Variants in KRT73 observed in about 807,000 individuals in gnomAD.
The protein encoded by KRT73 is keratin 73.
KRT73 carries 44 observed loss-of-function variants against 47.2 expected under a neutral mutation model. That is an observed-to-expected ratio of 0.93 (90% confidence interval 0.73 to 1.20). The LOEUF is 1.20. KRT73 is among the 50% of genes most tolerant of loss of function. The probability of loss-of-function intolerance (pLI) is 0.00; values close to 1 mark genes in which losing one functional copy is unlikely to be tolerated. For synonymous variants in KRT73, 285 were observed against 291.3 expected (o/e 0.98, Z 0.22); for missense variants, 713 against 704.5 (o/e 1.01, Z -0.14).
At chr12:52,630,146 G>A in the KRT73 span, among the ~76,000 whole-genome samples, 3 of 152,312 alleles carry the variant, frequency 2.0e-5, no homozygotes, top group South Asian at 2.1e-4. Context: ...TGCTCATCAC[G>A]TGCACCCTGG....
At chr12:52,621,290 AGG>A (rs11302494), upstream of KRT73, among the ~76,000 whole-genome samples, 2,995 of 105,208 alleles carry the variant, frequency 0.028, 48 homozygotes, top group Non-Finnish European at 0.036. Context: ...AGAGAAAGAA[AGG>A]GGGGGGGGGG....
the KRT73 span, among the ~76,000 whole-genome samples, chr12:52,630,220 G>A: frequency 7.3e-6 from 1 of 136,194 alleles, no homozygotes; most frequent in Non-Finnish European, 1.6e-5. Context: ...GAATGAATGA[G>A]TTAATCAATT....
rs1940620778 is a variant in KRT73 at position 52,608,118 on chromosome 12, CAG to C, written c.*76_*77del. The stretch of plus-strand genomic sequence containing the variant: ...AAGAAGGAGATGAGGACAAATGAGA[CAG>C]AGGAATTTCCTAGAAGAGTCCGGAG... On this transcript the variant is annotated 3_prime_UTR_variant, in exon 9 of 9. Coordinates refer to ENST00000305748, the MANE Select transcript of KRT73 (RefSeq NM_175068.3). The C allele has an allele frequency of 2.7e-6, 4 of 1,464,998 alleles. No homozygotes were observed. The highest frequency in any genetic ancestry group is 3.7e-6 in the Non-Finnish European group (4 of 1,082,534). 90.7% of individuals were successfully genotyped at this position (1,464,998 alleles called of 1,614,324 possible).
chr12:52,617,957 A>G, intron 1 of KRT73, 121 bp downstream of exon 1: 1 of 1,155,398 alleles, frequency 8.7e-7, no homozygotes, highest in Non-Finnish European at 1.2e-6. Flanking sequence ...CTGGTGTCTG[A>G]TTTTGCTGGG....
Position 52,610,673 on chromosome 12 carries a change from G to A in KRT73, c.1273C>T (p.Leu425=). 1.2e-6 allele frequency: 2 copies of A among 1,613,860 alleles called. No individual in the cohort carries two copies. The highest frequency in any genetic ancestry group is 8.5e-7 in the Non-Finnish European group (1 of 1,179,994). ...GTGGCGATCTCAATATCCAGGGACAGCTTCACGCTCAAAAGCTCTTGGTAC... is the reference window on the plus strand; with the variant it reads ...GTGGCGATCTCAATATCCAGGGACAACTTCACGCTCAAAAGCTCTTGGTAC... ...REYQELLSVK[L]SLDIEIATYR... Residue 425 remains leucine (L), a synonymous_variant, in exon 7 of 9, where the codon CTG becomes TTG. Coordinates refer to ENST00000305748, the MANE Select transcript of KRT73 (RefSeq NM_175068.3).
chr12:52,615,098 G>C (rs527521913), intron 3 of KRT73, 181 bp downstream of exon 3: 2 of 575,126 alleles, frequency 3.5e-6, no homozygotes, highest in African/African-American at 3.7e-5. Context: ...CACAGACAAA[G>C]TACTGTGTGC....
Position 52,618,221 on chromosome 12 carries a change from C to T in KRT73, c.304G>A (p.Gly102Arg), listed in dbSNP as rs199866943. The T allele has an allele frequency of 2.3e-5, 37 of 1,614,140 alleles. No homozygotes were observed. Among genetic ancestry groups the T allele is most frequent in the East Asian group, 1.1e-4 (5 of 44,878 alleles). ...GSVCPSLCPPGGIHQVTINKS... is the reference protein window; with the variant it reads ...GSVCPSLCPPRGIHQVTINKS... ...TTGATGGTGACCTGATGGATACCCC[C>T]GGGCGGGCACAACGACGGACACACG... Residue 102 changes from glycine to arginine, a missense_variant, in exon 1 of 9, where the codon GGG becomes AGG. Transcript: ENST00000305748.
At chr12:52,615,066 T>C (rs1592244459) in intron 3 of KRT73, 3 of 538,142 alleles carry the variant, frequency 5.6e-6, no homozygotes, top group East Asian at 5.9e-5. Context: ...TGGGACTGAC[T>C]ATCCACATCT....
At chr12:52,609,703 G>GA (rs1172335170) in intron 7 of KRT73, 2 of 176,238 alleles carry the variant, frequency 1.1e-5, no homozygotes, top group East Asian at 3.1e-4. Context: ...TGCTTGGTTA[G>GA]AACAGGGTTT....
chr12:52,617,446 G>A (rs1276874710), intron 1 of KRT73, among the ~76,000 whole-genome samples: 2 of 152,214 alleles, frequency 1.3e-5, no homozygotes, highest in African/African-American at 4.8e-5. Context: ...GCGTCCAGGT[G>A]ACGTTGCTGC....
intron 6 of KRT73, 104 bp from the exon 7 acceptor site, chr12:52,610,939 C>G: frequency 9.2e-7 from 1 of 1,085,886 alleles, no homozygotes. Flanking sequence ...GCCCCATGTC[C>G]TGGAGCAGAG....
At chr12:52,619,794 C>T (rs540268059), upstream of KRT73, among the ~76,000 whole-genome samples, 6 of 152,196 alleles carry the variant, frequency 3.9e-5, no homozygotes, top group South Asian at 1.2e-3. Flanking sequence ...CAAGAGTTTC[C>T]CAAATCCCAA....
Position 52,618,328 on chromosome 12 carries a change from C to G in KRT73, c.197G>C (p.Gly66Ala). Residue 66 changes from glycine (G) to alanine (A), a missense_variant, in exon 1 of 9, where the codon GGG (glycine) becomes GCG (alanine). Gly to Ala is a moderately conservative substitution (Grantham distance 60). Transcript: ENST00000305748. ...GCCAAATCCATAGCCTCCTGCCCAC[C>G]CACTGCCACTGGCCACATTGAAAGA... ...SISFNVASGSGWAGGYGFGRG... is the reference protein window; with the variant it reads ...SISFNVASGSAWAGGYGFGRG... 1 of 1,614,186 alleles carries G rather than the reference C, an allele frequency of 6.2e-7. No homozygotes were observed. Among genetic ancestry groups the G allele is most frequent in the Admixed American group, 1.7e-5 (1 of 60,034 alleles).
the KRT73 span, among the ~76,000 whole-genome samples, chr12:52,625,722 G>A: frequency 3.3e-5 from 5 of 152,154 alleles, no homozygotes; most frequent in Admixed American, 6.5e-5. Flanking sequence ...GCCAAAAAAT[G>A]CAAACAATCC....
At chr12:52,612,797 T>A (rs1222241584) in intron 5 of KRT73, 1 of 152,252 alleles carries the variant, frequency 6.6e-6, no homozygotes, top group Non-Finnish European at 1.5e-5. Flanking sequence ...TAGATTCTGA[T>A]CCAGCTGCGT....
chr12:52,617,180 T>A (rs1940831801), intron 1 of KRT73, among the ~76,000 whole-genome samples: 1 of 152,080 alleles, frequency 6.6e-6, no homozygotes, highest in Admixed American at 6.5e-5. Context: ...TTTCCCCACC[T>A]CCATCTGAAA....
At chr12:52,609,356 C>T in intron 7 of KRT73, 75 bp from the exon 8 acceptor site, 1 of 1,273,358 alleles carries the variant, frequency 7.9e-7, no homozygotes, top group Non-Finnish European at 1.1e-6. Flanking sequence ...TAAACACAGG[C>T]TGGGGATCCC....
chr12:52,616,486 A>G (rs2120877963), intron 1 of KRT73, 106 bp from the exon 2 acceptor site: 1 of 1,412,080 alleles, frequency 7.1e-7, no homozygotes, highest in Non-Finnish European at 9.6e-7. Flanking sequence ...TTTAAAAATG[A>G]GCCTCAGCCC....
upstream of KRT73, among the ~76,000 whole-genome samples, chr12:52,619,157 G>A (rs1341032942): frequency 6.6e-6 from 1 of 152,242 alleles, no homozygotes; most frequent in Non-Finnish European, 1.5e-5. Context: ...CTCTGTGCCA[G>A]CCGGGCTGCC....
Sources: gnomAD v4.1 joint callset for allele counts (sites outside exome capture counted in the v4.1 genomes callset) on GRCh38, gnomAD v4.1.1 for gene constraint, MANE v1.5 for transcripts, NCBI Gene and HGNC (gene_info 2026-07-23, HGNC 2026-07-21) for gene names.